The following DRD2 variants were observed in gnomAD, a reference collection of about 807,000 sequenced individuals.
DRD2 encodes dopamine receptor D2, also known as D(2) dopamine receptor.
Under a neutral mutation model 38.0 loss-of-function variants are expected in DRD2, and 8 were observed. The observed-to-expected ratio is 0.21, with a 90% CI of 0.12 to 0.38. The LOEUF is 0.38. DRD2 is among the 10% of genes least tolerant of loss of function. The pLI is 1.00. For missense variants in DRD2, 403 were observed against 607.7 expected, an observed-to-expected ratio of 0.66 and a Z score of 3.54; for synonymous variants, 230 against 238.6, an observed-to-expected ratio of 0.96 and a Z score of 0.33.
At chr11:113,422,799 C>T (rs1950898345) in intron 2 of DRD2, among the ~76,000 whole-genome samples, 1 of 152,184 alleles carries the variant, frequency 6.6e-6, no homozygotes, top group African/African-American at 2.4e-5. Flanking sequence ...AGGTGTGCCA[C>T]TTTCCACCAG....
rs1393695476 is a variant in DRD2 at position 113,412,591 on chromosome 11, T to G, written c.1103A>C (p.Glu368Ala). The G allele has an allele frequency of 6.2e-7, 1 of 1,613,998 alleles. No homozygotes were observed. Among genetic ancestry groups the G allele is most frequent in the African/African-American group, 1.3e-5 (1 of 74,904 alleles). Residue 368 changes from glutamate to alanine, a missense_variant, in exon 7 of 8, where the codon GAG becomes GCG. By Grantham distance (107) the Glu-to-Ala change is moderately radical. Transcript: ENST00000362072. The part of the protein sequence containing the change: ...MSRRKLSQQK[E>A]KKATQMLAIV... ...GGCGAGCATCTGAGTGGCTTTCTTC[T>G]CCTTCTGCTGGGAGAGCTTCCTACG... is the stretch of plus-strand genomic sequence containing the variant.
chr11:113,460,323 C>G (rs1951305633), intron 1 of DRD2, among the ~76,000 whole-genome samples: 1 of 152,244 alleles, frequency 6.6e-6, no homozygotes, highest in African/African-American at 2.4e-5. Context: ...GGAACAGGGA[C>G]TGGGCAGGAC....
In DRD2 at chr11:113,412,730, G is replaced by T; in HGVS notation, c.964C>A (p.Pro322Thr). 1 of 1,614,102 alleles carries T rather than the reference G, an allele frequency of 6.2e-7. No individual in the cohort carries two copies. Among genetic ancestry groups the T allele is most frequent in the Non-Finnish European group, 8.5e-7 (1 of 1,179,956 alleles). ...HHGLHSTPDSPAKPEKNGHAK... is the reference protein window; with the variant it reads ...HHGLHSTPDSTAKPEKNGHAK... ...TGCCCATTCTTCTCTGGTTTGGCGGGGCTGTCGGGAGTGCTGTGGAGACCA... is the reference window on the plus strand; with the variant it reads ...TGCCCATTCTTCTCTGGTTTGGCGGTGCTGTCGGGAGTGCTGTGGAGACCA... The change falls in exon 7 of 8, where the codon CCC (proline) becomes ACC (threonine). Residue 322 changes from proline (P) to threonine (T), a missense_variant. Pro to Thr is a conservative substitution (Grantham distance 38). This residue lies in a region of DRD2 where 166 missense variants were observed against 178.6 expected (regional missense o/e 0.93). Coordinates refer to ENST00000362072, the MANE Select transcript of DRD2 (RefSeq NM_000795.4).
intron 1 of DRD2, among the ~76,000 whole-genome samples, chr11:113,430,717 C>T (rs968902303): frequency 2.6e-5 from 4 of 152,084 alleles, no homozygotes; most frequent in African/African-American, 4.8e-5. Context: ...TTCATGGTAG[C>T]GGAGTGAGGA....
chr11:113,413,649 G>A (rs1380694051), intron 6 of DRD2, among the ~76,000 whole-genome samples: 2 of 152,248 alleles, frequency 1.3e-5, no homozygotes, highest in Non-Finnish European at 2.9e-5. Context: ...TGCCCTTGCA[G>A]TGCAGGTGAA....
intron 2 of DRD2, among the ~76,000 whole-genome samples, chr11:113,418,497 T>C (rs764646987): frequency 6.6e-6 from 1 of 152,194 alleles, no homozygotes; most frequent in Admixed American, 6.5e-5. Context: ...GAGACACCTA[T>C]ATTGACTATA....
At chr11:113,432,733 G>A (rs7118024) in intron 1 of DRD2, among the ~76,000 whole-genome samples, 2,445 of 152,242 alleles carry the variant, frequency 0.016, 68 homozygotes, top group African/African-American at 0.056. Context: ...CAGGACCCTG[G>A]CGATATAGGC....
chr11:113,415,311 A>T, intron 5 of DRD2, 110 bp downstream of exon 5: 1 of 1,395,146 alleles, frequency 7.2e-7, no homozygotes, highest in Non-Finnish European at 9.7e-7. Flanking sequence ...CCTTTAGCCT[A>T]GACCTAACCC....
chr11:113,441,637 G>T (rs1951093195), intron 1 of DRD2, among the ~76,000 whole-genome samples: 1 of 152,160 alleles, frequency 6.6e-6, no homozygotes, highest in African/African-American at 2.4e-5. Context: ...ACCGATTGAA[G>T]AAAGCAGAGG....
At chr11:113,410,984 C>T (rs1950764396) in intron 7 of DRD2, 64 bp from the exon 8 acceptor site, 40 of 1,545,730 alleles carry the variant, frequency 2.6e-5, no homozygotes, top group Non-Finnish European at 3.3e-5. Flanking sequence ...GGAACACCCA[C>T]ACCCAGTGCG....
intron 1 of DRD2, among the ~76,000 whole-genome samples, chr11:113,472,547 A>C (rs1387456091): frequency 6.6e-6 from 1 of 152,204 alleles, no homozygotes; most frequent in Non-Finnish European, 1.5e-5. Flanking sequence ...TACAAGACTA[A>C]CTAGCCCACA....
chr11:113,448,106 C>T (rs751528533), intron 1 of DRD2, among the ~76,000 whole-genome samples: 5 of 152,170 alleles, frequency 3.3e-5, no homozygotes, highest in Non-Finnish European at 5.9e-5. Flanking sequence ...GCTAGGAAGT[C>T]ATCATCACTC....
chr11:113,432,931 C>T (rs967235675), intron 1 of DRD2, among the ~76,000 whole-genome samples: 7 of 152,194 alleles, frequency 4.6e-5, no homozygotes, highest in Admixed American at 1.3e-4. Context: ...GTTCTCTGGC[C>T]GAGGAGGCAA....
intron 1 of DRD2, among the ~76,000 whole-genome samples, chr11:113,441,446 C>T (rs543844664): frequency 3.3e-5 from 5 of 152,322 alleles, no homozygotes; most frequent in South Asian, 2.1e-4. Context: ...GCTCACATAG[C>T]ATTGTTGAAA....
At chr11:113,414,268 T>TG in intron 6 of DRD2, 107 bp downstream of exon 6, 1 of 1,045,644 alleles carries the variant, frequency 9.6e-7, no homozygotes, top group Admixed American at 1.7e-5. Context: ...TGGGGGTTTC[T>TG]GGGGTGCTTC....
chr11:113,445,288 T>C (rs1412743435), intron 1 of DRD2, among the ~76,000 whole-genome samples: 1 of 152,240 alleles, frequency 6.6e-6, no homozygotes. Flanking sequence ...ATTTAGTTAA[T>C]AATATTGAGC....
At chr11:113,414,491 C>T (rs199663559) in intron 5 of DRD2, 30 bp from the exon 6 acceptor site, 13 of 1,613,236 alleles carry the variant, frequency 8.1e-6, no homozygotes, top group Non-Finnish European at 1.1e-5. Context: ...ATGGGTCACA[C>T]AAAGTGGTGG....
chr11:113,450,678 G>T (rs1458910638), intron 1 of DRD2, among the ~76,000 whole-genome samples: 3 of 152,198 alleles, frequency 2.0e-5, no homozygotes, highest in African/African-American at 7.2e-5. Context: ...CAAGTGATCA[G>T]AAGTCTAACT....
At chr11:113,434,919 C>A (rs1367886356) in intron 1 of DRD2, among the ~76,000 whole-genome samples, 1 of 152,158 alleles carries the variant, frequency 6.6e-6, no homozygotes, top group African/African-American at 2.4e-5. Context: ...CAGTTCCTTG[C>A]CCAGCTATCG....
Sources: gnomAD v4.1 joint callset for allele counts (sites outside exome capture counted in the v4.1 genomes callset) on GRCh38, gnomAD v4.1.1 for gene constraint, gnomAD v4.1.1 regional missense constraint, MANE v1.5 for transcripts, NCBI Gene and HGNC (gene_info 2026-07-23, HGNC 2026-07-21) for gene names.